The following SPATA17 variants were observed in gnomAD, a reference collection of about 807,000 sequenced individuals.
SPATA17 encodes spermatogenesis associated 17.
In SPATA17, 53 loss-of-function variants were observed where a neutral mutation model predicts 62.2. The observed-to-expected ratio is 0.85, with a 90% confidence interval of 0.68 to 1.07. The LOEUF (loss-of-function observed/expected upper bound fraction) is 1.07. Among genes scored for constraint, SPATA17 ranks in the 50% least tolerant of loss-of-function variants. The pLI is 0.00. For synonymous variants in SPATA17, 146 were observed against 146.8 expected, an observed-to-expected ratio of 0.99 and a Z score of 0.04; for missense variants, 466 against 425.5, an observed-to-expected ratio of 1.10 and a Z score of -0.84.
intron 6 of SPATA17, among the ~76,000 whole-genome samples, chr1:217,751,085 C>T (rs1222511675): frequency 1.3e-5 from 2 of 152,152 alleles, no homozygotes; most frequent in Non-Finnish European, 2.9e-5. Context: ...TGAATTCTCT[C>T]TTTTTCTCTT....
intron 8 of SPATA17, 102 bp from the exon 9 acceptor site, chr1:217,801,616 G>C (rs1318938441): frequency 2.3e-6 from 2 of 871,484 alleles, no homozygotes; most frequent in Non-Finnish European, 3.3e-6. Flanking sequence ...TCTAAATCTT[G>C]TATCATTTTC....
At chr1:217,739,211 T>G (rs1413176630) in intron 5 of SPATA17, among the ~76,000 whole-genome samples, 2 of 152,206 alleles carry the variant, frequency 1.3e-5, no homozygotes, top group African/African-American at 4.8e-5. Context: ...TTATTCAAGT[T>G]TCTTTATATG....
chr1:217,744,290 G>A lies in SPATA17; in HGVS notation c.519+2192G>A, dbSNP rs1024788845. 1.1e-4 allele frequency among the ~76,000 whole-genome samples: 7 copies of A among 66,268 alleles called. 1 individual carries two copies. Among genetic ancestry groups the A allele is most frequent in the African/African-American group, 2.0e-4 (5 of 24,864 alleles). The allele number at this position is 66,268 out of a possible 152,430, so 43.5% of individuals were successfully genotyped here. A position where few individuals can be genotyped will look rare whatever the true frequency, so the allele number is the denominator to read the frequency against. ...ATCCCGGCTAAAACGGTGAAACCCC[G>A]TCTCTACTAAAAATACAAAAAAATT... On this transcript the variant is annotated intron_variant, in intron 6 of 10. Transcript: ENST00000366933.
At chr1:217,850,429 A>C in intron 9 of SPATA17, 1 of 1,298,376 alleles carries the variant, frequency 7.7e-7, no homozygotes, top group Non-Finnish European at 1.1e-6. Flanking sequence ...ACGCTGGACC[A>C]GGTACAGGGT....
intron 5 of SPATA17, among the ~76,000 whole-genome samples, chr1:217,698,669 C>T (rs560035351): frequency 6.6e-5 from 10 of 151,794 alleles, no homozygotes; most frequent in Admixed American, 2.0e-4. Context: ...GGATGTTGAC[C>T]TTGATACAAG....
intron 9 of SPATA17, among the ~76,000 whole-genome samples, chr1:217,856,609 C>T (rs1675791659): frequency 6.6e-6 from 1 of 152,184 alleles, no homozygotes; most frequent in Non-Finnish European, 1.5e-5. Flanking sequence ...ATTTTTTTCT[C>T]TGGGAACATG....
chr1:217,724,181 A>G (rs766552868), intron 5 of SPATA17, among the ~76,000 whole-genome samples: 11 of 152,248 alleles, frequency 7.2e-5, no homozygotes, highest in Non-Finnish European at 1.2e-4. Context: ...AGTTCTATCT[A>G]TATTAATGGA....
At chr1:217,771,237 A>T (rs899991925) in intron 6 of SPATA17, among the ~76,000 whole-genome samples, 1 of 149,814 alleles carries the variant, frequency 6.7e-6, no homozygotes. Context: ...TTTTTTTTTT[A>T]AACAGTTAGC....
chr1:217,683,173 C>G, intron 4 of SPATA17, 85 bp from the exon 5 acceptor site: 1 of 872,222 alleles, frequency 1.1e-6, no homozygotes, highest in Non-Finnish European at 1.8e-6. Flanking sequence ...AGTTATCAGC[C>G]ATAATTACCT....
At chr1:217,658,406 C>T (rs536668875) in intron 3 of SPATA17, among the ~76,000 whole-genome samples, 14 of 152,280 alleles carry the variant, frequency 9.2e-5, no homozygotes, top group East Asian at 3.9e-4. Context: ...TCACTAGAAG[C>T]GGAGCAGATG....
chr1:217,797,693 T>A (rs531039035), intron 8 of SPATA17, among the ~76,000 whole-genome samples: 1 of 152,214 alleles, frequency 6.6e-6, no homozygotes, highest in Non-Finnish European at 1.5e-5. Context: ...TACCCATATT[T>A]CCTCTTTACA....
chr1:217,654,993 A>C (rs1020859159), intron 3 of SPATA17, among the ~76,000 whole-genome samples: 5 of 152,222 alleles, frequency 3.3e-5, no homozygotes, highest in African/African-American at 7.2e-5. Context: ...TATAGGCGTG[A>C]GCCACCGCAC....
chr1:217,749,975 C>CTATATATA (rs1285806657), intron 6 of SPATA17, among the ~76,000 whole-genome samples: 65 of 39,340 alleles, frequency 1.7e-3, no homozygotes, highest in African/African-American at 2.1e-3. Context: ...CTCTCTCTCT[C>CTATATATA]TCTCTCTCTC....
At chr1:217,750,745 C>T (rs190540841) in intron 6 of SPATA17, among the ~76,000 whole-genome samples, 1 of 152,320 alleles carries the variant, frequency 6.6e-6, no homozygotes, top group Admixed American at 6.5e-5. Context: ...ACAATAGGAA[C>T]TCACACTGAC....
intron 7 of SPATA17, 44 bp downstream of exon 7, chr1:217,774,581 T>C: frequency 6.5e-7 from 1 of 1,545,138 alleles, no homozygotes; most frequent in South Asian, 1.2e-5. Flanking sequence ...ATTTTATTCT[T>C]GCTATTTTTT....
chr1:217,863,423 C>T (rs527432008), intron 10 of SPATA17, among the ~76,000 whole-genome samples: 1 of 152,184 alleles, frequency 6.6e-6, no homozygotes, highest in East Asian at 1.9e-4. Flanking sequence ...AGCCACCATG[C>T]GCGGCCCTTA....
intron 6 of SPATA17, among the ~76,000 whole-genome samples, chr1:217,756,539 C>T (rs1053566389): frequency 6.6e-6 from 1 of 152,104 alleles, no homozygotes; most frequent in African/African-American, 2.4e-5. Flanking sequence ...AGAATATTTT[C>T]CTGGATTATG....
chr1:217,647,714 C>G (rs975615168), intron 1 of SPATA17, among the ~76,000 whole-genome samples: 14 of 150,850 alleles, frequency 9.3e-5, no homozygotes, highest in African/African-American at 3.5e-4. Context: ...TTAGTCAAGC[C>G]TCTTTTTAAA....
chr1:217,856,825 T>G (rs1312096702), intron 9 of SPATA17, among the ~76,000 whole-genome samples: 1 of 152,208 alleles, frequency 6.6e-6, no homozygotes, highest in Admixed American at 6.5e-5. Context: ...GTTTTCTACA[T>G]GCAATGAGAG....
Sources: gnomAD v4.1 joint callset for allele counts (sites outside exome capture counted in the v4.1 genomes callset) on GRCh38, gnomAD v4.1.1 for gene constraint, MANE v1.5 for transcripts, NCBI Gene and HGNC (gene_info 2026-07-23, HGNC 2026-07-21) for gene names.